Variants in TJP1 observed in about 807,000 individuals in gnomAD.
TJP1 encodes tight junction protein ZO-1.
Under a neutral mutation model 194.2 loss-of-function variants are expected in TJP1, and 43 were observed. That is an observed-to-expected ratio of 0.22 (90% CI 0.17 to 0.29). The LOEUF is 0.29. Ranked by LOEUF, TJP1 falls within the 10% of genes least tolerant of loss-of-function variation. The pLI is 1.00. For missense variants in TJP1, 1,971 were observed against 2,185.7 expected (o/e 0.90, Z 1.96); for synonymous variants, 801 against 779.0 (o/e 1.03, Z -0.47).
Position 29,882,912 on chromosome 15 carries a change from C to T in TJP1, c.306+73320G>A, listed in dbSNP as rs540410899. ...GGAATGCCTTCCAGACATTTCCCTT[C>T]GTCTTCTTGCTGCCCCTTTTGATTC... On this transcript the variant is annotated intron_variant, in intron 2 of 28. Transcript: ENST00000356107. Among the ~76,000 whole-genome samples, 6 of 152,268 alleles carry T rather than the reference C, an allele frequency of 3.9e-5. No individual in the cohort carries two copies. In the South Asian group the frequency reaches 1.0e-3, roughly 26 times the overall value.
chr15:29,709,022 A>G lies in TJP1; in HGVS notation c.4387T>C (p.Leu1463=), dbSNP rs1442457952. 4.3e-6 allele frequency: 7 copies of G among 1,609,710 alleles called. No homozygotes were observed. Among genetic ancestry groups the G allele is most frequent in the South Asian group, 1.1e-5 (1 of 90,708 alleles). Reference sequence around the variant, plus strand: ...GACACTAAGGAATTCTGAAAATCCAATGACACTGAATTACCTGAAAAACAA... The same window carrying G: ...GACACTAAGGAATTCTGAAAATCCAGTGACACTGAATTACCTGAAAAACAA... ...GAHGEGNSVS[L]DFQNSLVSKP... Residue 1463 remains leucine, a synonymous_variant, in exon 25 of 28, where the codon TTG becomes CTG. Coordinates refer to ENST00000614355, the MANE Select transcript of TJP1 (RefSeq NM_001330239.4).
intron 2 of TJP1, among the ~76,000 whole-genome samples, chr15:29,949,666 A>AACCACCACCTCCACCTCCACC (rs2055546805): frequency 1.6e-4 from 3 of 18,606 alleles, no homozygotes; most frequent in African/African-American, 5.8e-4. Context: ...CCACCTCCAC[A>AACCACCACCTCCACCTCCACC]ACCACCACCT....
At chr15:29,719,219 A>AT in intron 20 of TJP1, 81 bp from the exon 21 acceptor site, 6 of 1,361,362 alleles carry the variant, frequency 4.4e-6, no homozygotes, top group East Asian at 2.3e-5. Context: ...TAAATATTAA[A>AT]CTACGATTTA....
chr15:29,920,602 G>A (rs1021756461), intron 2 of TJP1, among the ~76,000 whole-genome samples: 3 of 152,124 alleles, frequency 2.0e-5, no homozygotes, highest in Admixed American at 6.6e-5. Flanking sequence ...ACCTATCTTC[G>A]GGGTTGCAGT....
intron 9 of TJP1, among the ~76,000 whole-genome samples, chr15:29,742,123 T>C (rs2044461525): frequency 6.6e-6 from 1 of 151,466 alleles, no homozygotes; most frequent in Non-Finnish European, 1.5e-5. Flanking sequence ...AATAGCCAGG[T>C]GCGGTGGTGC....
upstream of TJP1, among the ~76,000 whole-genome samples, chr15:29,826,697 A>C (rs946434163): frequency 4.6e-5 from 7 of 152,158 alleles, no homozygotes; most frequent in African/African-American, 1.7e-4. Flanking sequence ...TCTACCTCTG[A>C]GAATTCAAGC....
At chr15:29,968,553 C>A (rs1011699571) in intron 1 of TJP1, 3 of 801,294 alleles carry the variant, frequency 3.7e-6, no homozygotes, top group African/African-American at 3.7e-5. Flanking sequence ...GCCCGACAGT[C>A]GCGGCCTCGC....
intron 2 of TJP1, among the ~76,000 whole-genome samples, chr15:29,875,371 TG>T (rs1262455453): frequency 6.6e-6 from 1 of 152,230 alleles, no homozygotes; most frequent in Admixed American, 6.5e-5. Context: ...AAGTACTTGT[TG>T]CCATTGAAAA....
chr15:29,743,075 T>C (rs2044532139), intron 8 of TJP1: 1 of 210,592 alleles, frequency 4.7e-6, no homozygotes, highest in Admixed American at 5.9e-5. Flanking sequence ...ATTTAATAAA[T>C]GGTGTCGGGA....
intron 2 of TJP1, among the ~76,000 whole-genome samples, chr15:29,782,685 A>G (rs191254985): frequency 8.5e-5 from 13 of 152,322 alleles, no homozygotes; most frequent in Non-Finnish European, 1.8e-4. Context: ...AAAAGCAAAA[A>G]TTGACAAATG....
chr15:29,726,961 T>G lies in TJP1; in HGVS notation c.2131A>C (p.Asn711His). ...DKHALLDVTP[N>H]AVDRLNYAQW... ...GCATAGTTAAGACGATCAACTGCAT[T>G]TGGTGTTACATCTAATAAAGCATGT... The change falls in exon 17 of 28, where the codon AAT (asparagine) becomes CAT (histidine). Residue 711 changes from asparagine (N) to histidine (H), a missense_variant. Physicochemically the swap from Asn to His is moderately conservative, Grantham distance 68 (BLOSUM62 1). This residue lies in a region of TJP1 where 402 missense variants were observed against 484.2 expected (regional missense o/e 0.83). Coordinates refer to ENST00000614355, the MANE Select transcript of TJP1 (RefSeq NM_001330239.4). 6.2e-7 allele frequency: 1 copy of G among 1,614,146 alleles called. No individual in the cohort carries two copies. The highest frequency in any genetic ancestry group is 8.5e-7 in the Non-Finnish European group (1 of 1,180,008).
intron 2 of TJP1, among the ~76,000 whole-genome samples, chr15:29,829,372 A>C (rs541893947): frequency 2.0e-4 from 31 of 152,278 alleles, no homozygotes; most frequent in Middle Eastern, 6.8e-3. Flanking sequence ...GAGCCTCTGG[A>C]CTTTCATAAG....
At position 29,742,198 on chromosome 15, in the gene TJP1, G is replaced by A. The variant is rs908061171; in HGVS notation, c.1150+444C>T. On this transcript the variant is annotated intron_variant, in intron 9 of 27. Transcript: ENST00000614355. ...AGCCCAGGAGTTTTGAGGTTACAGC[G>A]AGCTAATCACACCACTGCACTCCAG... 3.6e-4 allele frequency among the ~76,000 whole-genome samples: 55 copies of A among 151,564 alleles called. 1 individual carries two copies. The highest frequency in any genetic ancestry group is 2.6e-4 in the Admixed American group (4 of 15,224).
intron 13 of TJP1, 71 bp from the exon 14 acceptor site, chr15:29,732,886 T>C: frequency 7.1e-7 from 1 of 1,405,148 alleles, no homozygotes; most frequent in Non-Finnish European, 9.6e-7. Flanking sequence ...CACAATGAAA[T>C]GAAATATACA....
At position 29,968,043 on chromosome 15, in the gene TJP1, C is replaced by T. The variant is rs890984046; in HGVS notation, c.173+624G>A. On this transcript the variant is annotated intron_variant, in intron 1 of 28. Transcript: ENST00000356107. ...AATATACAATCCTGTAGATAATCAG[C>T]AACGTAAACCAGTAAGGTCCAGACA... The T allele has an allele frequency of 1.3e-5, 13 of 982,054 alleles. No individual in the cohort carries two copies. The Admixed American group carries it at 4.3e-4, about 33-fold the overall frequency. 60.8% of individuals were successfully genotyped at this position (982,054 alleles called of 1,614,324 possible).
chr15:29,938,160 C>T (rs564037568), intron 2 of TJP1, among the ~76,000 whole-genome samples: 45 of 152,296 alleles, frequency 3.0e-4, no homozygotes, highest in East Asian at 1.9e-3. Context: ...TATTGAATTA[C>T]GTAAATCCCA....
intron 2 of TJP1, among the ~76,000 whole-genome samples, chr15:29,917,950 C>T (rs1049644889): frequency 2.2e-4 from 34 of 152,256 alleles, no homozygotes; most frequent in African/African-American, 7.9e-4. Flanking sequence ...TTTCATCTTC[C>T]CAAACTGAAA....
intron 2 of TJP1, among the ~76,000 whole-genome samples, chr15:29,830,088 T>C (rs1259949378): frequency 1.3e-5 from 2 of 151,912 alleles, no homozygotes; most frequent in Non-Finnish European, 2.9e-5. Flanking sequence ...TTAATTTACA[T>C]TAAATCAGTG....
In TJP1 at chr15:29,719,864, A is replaced by G. The variant is rs1595615800; in HGVS notation, c.2916T>C (p.Asp972=). 6.2e-7 allele frequency: 1 copy of G among 1,614,152 alleles called. No individual in the cohort carries two copies. Among genetic ancestry groups the G allele is most frequent in the Non-Finnish European group, 8.5e-7 (1 of 1,180,024 alleles). ...APSTSYSPQA[D]SLRTPSTEAA... ...CCTCAGTACTTGGTGTTCTTAAAGAATCAGCTTGTGGTGAGTAAGAGGTGG... is the reference window on the plus strand; with the variant it reads ...CCTCAGTACTTGGTGTTCTTAAAGAGTCAGCTTGTGGTGAGTAAGAGGTGG... The change falls in exon 20 of 28, where the codon GAT becomes GAC. Residue 972 remains aspartate, a synonymous_variant. Transcript: ENST00000614355.
Sources: allele counts gnomAD v4.1 joint callset (sites outside exome capture counted in the v4.1 genomes callset), GRCh38; gene constraint gnomAD v4.1.1; regional missense constraint gnomAD v4.1.1; transcripts MANE v1.5; gene names NCBI Gene and HGNC (gene_info 2026-07-23, HGNC 2026-07-21).